The following NAPB variants were observed in gnomAD, a reference collection of about 807,000 sequenced individuals.
NAPB encodes beta-soluble NSF attachment protein.
NAPB carries 26 observed loss-of-function variants against 44.7 expected under a neutral mutation model. The observed-to-expected ratio is 0.58, with a 90% CI of 0.43 to 0.81. The LOEUF is 0.81. Ranked by LOEUF, NAPB falls within the 30% of genes least tolerant of loss-of-function variation. The pLI is 0.00. For missense variants in NAPB, 315 were observed against 356.4 expected, an observed-to-expected ratio of 0.88 and a Z score of 0.94; for synonymous variants, 120 against 116.8, an observed-to-expected ratio of 1.03 and a Z score of -0.18.
chr20:23,391,727 G>A (rs1285326348), intron 5 of NAPB, among the ~76,000 whole-genome samples: 1 of 152,210 alleles, frequency 6.6e-6, no homozygotes, highest in Non-Finnish European at 1.5e-5. Flanking sequence ...TATGAACAAT[G>A]AAATTTCTAA....
chr20:23,389,944 A>C lies in NAPB; in HGVS notation c.561+2T>G, dbSNP rs1310391979. ...TCTCCAAGGAAACAACAGTATCCTC[A>C]CCTGCTCATAGATCTCAATGGCTTT... On this transcript the variant is annotated splice_donor_variant, in intron 7 of 10. Coordinates refer to ENST00000377026, the MANE Select transcript of NAPB (RefSeq NM_022080.3). LOFTEE classifies it high-confidence loss of function. 9.3e-6 allele frequency: 15 copies of C among 1,613,240 alleles called. No homozygotes were observed. Among genetic ancestry groups the C allele is most frequent in the Non-Finnish European group, 1.3e-5 (15 of 1,179,476 alleles).
chr20:23,388,347 T>A (rs535036623), intron 7 of NAPB, among the ~76,000 whole-genome samples: 3 of 152,180 alleles, frequency 2.0e-5, no homozygotes, highest in Non-Finnish European at 4.4e-5. Flanking sequence ...CAAATTGGTA[T>A]GCACATTCCA....
chr20:23,417,747 C>A (rs1272198935), intron 1 of NAPB, among the ~76,000 whole-genome samples: 1 of 151,992 alleles, frequency 6.6e-6, no homozygotes, highest in Admixed American at 6.6e-5. Context: ...ACACAAACCA[C>A]CACAACAGTG....
intron 7 of NAPB, among the ~76,000 whole-genome samples, chr20:23,385,690 G>A (rs1983448079): frequency 6.7e-6 from 1 of 150,234 alleles, no homozygotes; most frequent in Non-Finnish European, 1.5e-5. Context: ...TCCAGCCTGG[G>A]TGACAGAGCA....
rs545710786 is a variant in NAPB, at chr20:23,381,136, T to C, written c.666+77A>G. 13 of 987,738 alleles carry C rather than the reference T, an allele frequency of 1.3e-5. No individual in the cohort carries two copies. In the Admixed American group the frequency reaches 2.4e-4, roughly 18 times the overall value. The allele number at this position is 987,738 out of a possible 1,614,324, so 61.2% of individuals were successfully genotyped here. On this transcript the variant is annotated intron_variant, in intron 8 of 10. Coordinates refer to ENST00000377026, the MANE Select transcript of NAPB (RefSeq NM_022080.3). Reference sequence around the variant, plus strand: ...TCTTGGTACTAACATCAAAATGAAATGATACCAAGAACAAGAGAGAATGTG... The same window carrying C: ...TCTTGGTACTAACATCAAAATGAAACGATACCAAGAACAAGAGAGAATGTG...
At chr20:23,381,357 C>T (rs773889933) in intron 7 of NAPB, 40 bp from the exon 8 acceptor site, 2 of 1,322,240 alleles carry the variant, frequency 1.5e-6, no homozygotes, top group East Asian at 2.5e-5. Context: ...AAGATTTACC[C>T]TCTTATATCA....
intron 7 of NAPB, among the ~76,000 whole-genome samples, chr20:23,387,719 T>C (rs1983631175): frequency 6.6e-6 from 1 of 152,142 alleles, no homozygotes; most frequent in Admixed American, 6.5e-5. Flanking sequence ...CTACAAAACA[T>C]TGTTGAGCAA....
chr20:23,410,357 T>C lies in NAPB; in HGVS notation c.99-7285A>G, dbSNP rs185141862. Among the ~76,000 whole-genome samples the C allele has an allele frequency of 1.7e-4, 26 of 152,238 alleles. No homozygotes were observed. The East Asian group carries it at 4.8e-3, about 28-fold the overall frequency. On this transcript the variant is annotated intron_variant, in intron 1 of 10. Transcript: ENST00000377026. ...TTGTGTGTCCAAGAAACTCTGTGAC[T>C]CTCTACACTAAACAGAAAGGAGAAA... is the stretch of plus-strand genomic sequence containing the variant.
At chr20:23,412,585 A>C (rs1331250726) in intron 1 of NAPB, among the ~76,000 whole-genome samples, 1 of 152,262 alleles carries the variant, frequency 6.6e-6, no homozygotes, top group East Asian at 1.9e-4. Flanking sequence ...ACTTATAAGA[A>C]AGCAGATATT....
intron 3 of NAPB, among the ~76,000 whole-genome samples, chr20:23,396,468 C>T (rs191581327): frequency 1.5e-3 from 224 of 152,258 alleles, no homozygotes; most frequent in African/African-American, 5.0e-3. Context: ...CCGCTGTGCA[C>T]GCGTGTGGAA....
In NAPB at chr20:23,375,271, T is replaced by TA. The variant is rs1266338365; in HGVS notation, c.*2104dup. The TA allele has an allele frequency of 6.6e-6, 1 of 152,178 alleles. No individual in the cohort carries two copies. The highest frequency in any genetic ancestry group is 1.5e-5 in the Non-Finnish European group (1 of 68,030). 9.4% of individuals were successfully genotyped at this position (152,178 alleles called of 1,614,324 possible). On this transcript the variant is annotated 3_prime_UTR_variant, in exon 11 of 11. Transcript: ENST00000377026. Reference sequence around the variant, plus strand: ...CCCTCTAATTGACACAACAAAATGTTACAAACATTATTGTTAAAAAAAAAT... The same window carrying TA: ...CCCTCTAATTGACACAACAAAATGTTAACAAACATTATTGTTAAAAAAAAAT...
intron 1 of NAPB, among the ~76,000 whole-genome samples, chr20:23,419,751 T>C (rs1294048449): frequency 2.0e-5 from 3 of 152,306 alleles, no homozygotes; most frequent in East Asian, 3.9e-4. Context: ...ACACATCACA[T>C]GAGAAATTTA....
rs558134751 is a variant in NAPB, at chr20:23,389,119, A to G, written c.561+827T>C. 2.6e-5 allele frequency among the ~76,000 whole-genome samples: 4 copies of G among 152,254 alleles called. No individual in the cohort carries two copies. The South Asian group carries it at 8.3e-4, about 32-fold the overall frequency. ...GGAATAGACATTTCTCCAAAGATAT[A>G]CAAATAGCCAATAAGCAAATAAAAA... On this transcript the variant is annotated intron_variant, in intron 7 of 10. Coordinates refer to ENST00000377026, the MANE Select transcript of NAPB (RefSeq NM_022080.3).
At chr20:23,410,212 T>G (rs997444291) in intron 1 of NAPB, among the ~76,000 whole-genome samples, 1 of 152,074 alleles carries the variant, frequency 6.6e-6, no homozygotes, top group African/African-American at 2.4e-5. Flanking sequence ...AACCTACCCC[T>G]CCACAGCACC....
intron 1 of NAPB, among the ~76,000 whole-genome samples, chr20:23,404,763 T>G (rs1210095378): frequency 6.6e-6 from 1 of 152,178 alleles, no homozygotes; most frequent in African/African-American, 2.4e-5. Context: ...GGAACATGTA[T>G]CTAGAATAAA....
chr20:23,407,890 A>G (rs12106211), intron 1 of NAPB, among the ~76,000 whole-genome samples: 2,475 of 152,282 alleles, frequency 0.016, 80 homozygotes, highest in African/African-American at 0.057. Context: ...AATAATAACT[A>G]TTGCAGAGCA....
intron 7 of NAPB, among the ~76,000 whole-genome samples, chr20:23,389,706 T>C (rs1053161315): frequency 6.6e-6 from 1 of 152,154 alleles, no homozygotes; most frequent in Non-Finnish European, 1.5e-5. Context: ...AGAGAGTAGA[T>C]TGTGTCTTCC....
rs973111761 is a variant in NAPB, at chr20:23,375,722, C to T, written c.*1654G>A. 3.3e-5 allele frequency: 5 copies of T among 152,146 alleles called. No homozygotes were observed. Among genetic ancestry groups the T allele is most frequent in the Non-Finnish European group, 7.3e-5 (5 of 68,034 alleles). 9.4% of individuals were successfully genotyped at this position (152,146 alleles called of 1,614,324 possible). Reference sequence around the variant, plus strand: ...AGACAGAGTGTCTTCATTGCCACCCCCAGTAGTGGGGACTACAGTGCACCT... The same window carrying T: ...AGACAGAGTGTCTTCATTGCCACCCTCAGTAGTGGGGACTACAGTGCACCT... On this transcript the variant is annotated 3_prime_UTR_variant, in exon 11 of 11. Coordinates refer to ENST00000377026, the MANE Select transcript of NAPB (RefSeq NM_022080.3).
At chr20:23,391,440 A>C (rs1983951849) in intron 5 of NAPB, among the ~76,000 whole-genome samples, 4 of 152,256 alleles carry the variant, frequency 2.6e-5, no homozygotes, top group Admixed American at 1.3e-4. Flanking sequence ...AACTCTGCAA[A>C]GAATCAGCTG....
Sources: allele counts gnomAD v4.1 joint callset (sites outside exome capture counted in the v4.1 genomes callset), GRCh38; gene constraint gnomAD v4.1.1; transcripts MANE v1.5; gene names NCBI Gene and HGNC (gene_info 2026-07-23, HGNC 2026-07-21).